The following NFKB1 variants were observed in gnomAD, a reference collection of about 807,000 sequenced individuals.
NFKB1 encodes the protein nuclear factor kappa B subunit 1.
Under a neutral mutation model 105.1 loss-of-function variants are expected in NFKB1, and 9 were observed. The ratio of observed to expected loss-of-function variants is 0.09; its 90% confidence interval spans 0.05 to 0.15. The LOEUF is 0.15. Ranked by LOEUF, NFKB1 falls within the 10% of genes least tolerant of loss-of-function variation. The probability of loss-of-function intolerance (pLI) is 1.00; values close to 1 mark genes in which losing one functional copy is unlikely to be tolerated. For synonymous variants in NFKB1, 440 were observed against 442.2 expected, an observed-to-expected ratio of 1.00 and a Z score of 0.06; for missense variants, 830 against 1,203.7, an observed-to-expected ratio of 0.69 and a Z score of 4.59.
chr4:102,613,071 T>A (rs1728575016), intron 22 of NFKB1, among the ~76,000 whole-genome samples: 2 of 151,890 alleles, frequency 1.3e-5, no homozygotes, highest in East Asian at 3.9e-4. Context: ...CTGTTGAAAA[T>A]TTCATGGTTA....
intron 5 of NFKB1, among the ~76,000 whole-genome samples, chr4:102,553,901 G>A (rs1470867270): frequency 2.0e-5 from 3 of 152,174 alleles, no homozygotes; most frequent in African/African-American, 7.2e-5. Flanking sequence ...GGTAATTTGA[G>A]TGTTGATTGT....
chr4:102,523,999 A>G (rs985359271), intron 1 of NFKB1, among the ~76,000 whole-genome samples: 7 of 152,058 alleles, frequency 4.6e-5, no homozygotes, highest in East Asian at 1.9e-4. Flanking sequence ...CTGCAGTCCT[A>G]AGTACTCATG....
chr4:102,541,768 C>A (rs1416858910), intron 5 of NFKB1, among the ~76,000 whole-genome samples: 1 of 152,138 alleles, frequency 6.6e-6, no homozygotes, highest in Non-Finnish European at 1.5e-5. Flanking sequence ...CTACATTTGC[C>A]ACATATTCAT....
intron 23 of NFKB1, 39 bp from the exon 24 acceptor site, chr4:102,616,395 C>T (rs745644308): frequency 1.9e-5 from 31 of 1,606,934 alleles, no homozygotes; most frequent in African/African-American, 1.1e-4. Flanking sequence ...TTTTAGAGCC[C>T]GGCCATTCCC....
At chr4:102,592,517 G>A (rs1726258702) in intron 11 of NFKB1, among the ~76,000 whole-genome samples, 1 of 152,190 alleles carries the variant, frequency 6.6e-6, no homozygotes, top group African/African-American at 2.4e-5. Context: ...GTAGGCTTAG[G>A]TGATCATTAG....
At chr4:102,514,357 G>A (rs1739986840) in intron 1 of NFKB1, among the ~76,000 whole-genome samples, 1 of 152,096 alleles carries the variant, frequency 6.6e-6, no homozygotes, top group South Asian at 2.1e-4. Context: ...CCAATGTGAT[G>A]GTAGGAAAAG....
intron 19 of NFKB1, among the ~76,000 whole-genome samples, chr4:102,609,807 T>C (rs746440166): frequency 1.1e-4 from 17 of 152,134 alleles, no homozygotes; most frequent in South Asian, 2.1e-4. Flanking sequence ...TCCTCTATTA[T>C]TGATATTGAC....
chr4:102,564,752 T>C (rs1399364127), intron 5 of NFKB1, among the ~76,000 whole-genome samples: 1 of 152,256 alleles, frequency 6.6e-6, no homozygotes, highest in African/African-American at 2.4e-5. Flanking sequence ...GTGATTGGGC[T>C]TTAATTATGG....
chr4:102,532,532 G>A (rs1379341849), intron 3 of NFKB1, among the ~76,000 whole-genome samples: 1 of 152,124 alleles, frequency 6.6e-6, no homozygotes, highest in African/African-American at 2.4e-5. Context: ...TGGAGGCTGA[G>A]GCAGAGAATT....
intron 5 of NFKB1, among the ~76,000 whole-genome samples, chr4:102,546,450 C>A (rs141342405): frequency 2.2e-3 from 337 of 152,170 alleles, no homozygotes; most frequent in African/African-American, 7.7e-3. Context: ...TTTCCAAAGC[C>A]TGGTAGAGTA....
At chr4:102,516,057 T>C (rs1248273846) in intron 1 of NFKB1, among the ~76,000 whole-genome samples, 1 of 152,158 alleles carries the variant, frequency 6.6e-6, no homozygotes, top group Non-Finnish European at 1.5e-5. Flanking sequence ...TAAAGGTGCC[T>C]TTACATTGCC....
In NFKB1 at chr4:102,597,599, C is replaced by T. The variant is rs1057013934; in HGVS notation, c.1575C>T (p.Asp525=). Residue 525 remains aspartate, a synonymous_variant, in exon 15 of 24, where the codon GAC becomes GAT. Transcript: ENST00000226574. ...NALFDYAVTG[D]VKMLLAVQRH... ...TTTTCGACTACGCGGTGACAGGAGA[C>T]GTGAAGATGCTGCTGGCCGTCCAGC... is the stretch of plus-strand genomic sequence containing the variant. 13 of 1,613,772 alleles carry T rather than the reference C, an allele frequency of 8.1e-6. No homozygotes were observed. The highest frequency in any genetic ancestry group is 1.6e-4 in the Middle Eastern group (1 of 6,084).
intron 13 of NFKB1, 66 bp downstream of exon 13, chr4:102,595,047 A>T: frequency 1.9e-6 from 2 of 1,060,192 alleles, no homozygotes; most frequent in Non-Finnish European, 1.4e-6. Flanking sequence ...AAGGGTTTTT[A>T]AAATCATTAC....
At chr4:102,515,107 A>ATTTTTTTTTTTTT (rs34257045) in intron 1 of NFKB1, among the ~76,000 whole-genome samples, 2 of 95,654 alleles carry the variant, frequency 2.1e-5, no homozygotes, top group Non-Finnish European at 3.9e-5. Flanking sequence ...TATTATTATT[A>ATTTTTTTTTTTTT]TTTTTTTTTT....
At chr4:102,580,720 T>C in intron 9 of NFKB1, 81 bp downstream of exon 9, 1 of 1,116,294 alleles carries the variant, frequency 9.0e-7, no homozygotes, top group Non-Finnish European at 1.3e-6. Context: ...TGAGTCACAT[T>C]TCAGCAGTGG....
At chr4:102,588,330 T>C (rs1240072899) in intron 11 of NFKB1, among the ~76,000 whole-genome samples, 1 of 151,986 alleles carries the variant, frequency 6.6e-6, no homozygotes, top group Non-Finnish European at 1.5e-5. Context: ...TCATCAACAT[T>C]GTACTTCACA....
At chr4:102,509,171 A>T (rs1739616949) in intron 1 of NFKB1, among the ~76,000 whole-genome samples, 2 of 152,240 alleles carry the variant, frequency 1.3e-5, no homozygotes, top group African/African-American at 4.8e-5. Context: ...GCATTTACTC[A>T]CTCTCATACC....
Position 102,606,583 on chromosome 4 carries a change from C to A in NFKB1, c.1840C>A (p.Arg614Ser). ...TGGGGCCGACCTGAGCCTTCTGGAC[C>A]GCTTGGGTAACTCTGTTTTGCACCT... ...RAGADLSLLDRLGNSVLHLAA... is the reference protein window; with the variant it reads ...RAGADLSLLDSLGNSVLHLAA... The change falls in exon 17 of 24, where the codon CGC becomes AGC. Residue 614 changes from arginine (R) to serine (S), a missense_variant. Arg to Ser is a moderately radical substitution (Grantham distance 110). Transcript: ENST00000226574. 1 of 1,614,072 alleles carries A rather than the reference C, an allele frequency of 6.2e-7. No individual in the cohort carries two copies. The highest frequency in any genetic ancestry group is 1.3e-5 in the African/African-American group (1 of 75,008).
At chr4:102,580,328 A>T (rs1725224350) in intron 8 of NFKB1, among the ~76,000 whole-genome samples, 1 of 152,132 alleles carries the variant, frequency 6.6e-6, no homozygotes, top group Admixed American at 6.5e-5. Flanking sequence ...TTTCTACCTC[A>T]TTTGTTTTGG....
Sources: gnomAD v4.1 joint callset for allele counts (sites outside exome capture counted in the v4.1 genomes callset) on GRCh38, gnomAD v4.1.1 for gene constraint, MANE v1.5 for transcripts, NCBI Gene and HGNC (gene_info 2026-07-23, HGNC 2026-07-21) for gene names.